Variants in SEMA6D observed in about 807,000 individuals in gnomAD.
SEMA6D encodes the protein semaphorin 6D, also known as semaphorin-6D.
SEMA6D carries 35 observed loss-of-function variants against 106.6 expected under a neutral mutation model. The ratio of observed to expected loss-of-function variants is 0.33; its 90% CI spans 0.25 to 0.44. SEMA6D has a LOEUF of 0.44. Ranked by LOEUF, SEMA6D falls within the 20% of genes least tolerant of loss-of-function variation. The pLI, the probability that SEMA6D is intolerant of heterozygous loss-of-function variation, is 1.00. For missense variants in SEMA6D, 1,185 were observed against 1,345.9 expected (o/e 0.88, Z 1.87); for synonymous variants, 499 against 487.7 (o/e 1.02, Z -0.31).
intron 1 of SEMA6D, among the ~76,000 whole-genome samples, chr15:47,248,455 G>A (rs1372057188): frequency 1.3e-5 from 2 of 152,112 alleles, no homozygotes; most frequent in Admixed American, 6.5e-5. Flanking sequence ...ACCCCAAAGT[G>A]CCCAGAAGGC....
chr15:47,680,134 AC>A (rs1340613005), intron 4 of SEMA6D, among the ~76,000 whole-genome samples: 5 of 152,208 alleles, frequency 3.3e-5, no homozygotes, highest in African/African-American at 1.2e-4. Context: ...GATTAGGGAA[AC>A]CAGTTTACTC....
At chr15:47,319,194 T>C (rs988110480) in intron 1 of SEMA6D, among the ~76,000 whole-genome samples, 7 of 152,240 alleles carry the variant, frequency 4.6e-5, no homozygotes, top group Middle Eastern at 3.2e-3. Context: ...CTTACATTGA[T>C]TGTAAGTTCT....
chr15:47,625,166 T>G (rs1449803203), intron 4 of SEMA6D, among the ~76,000 whole-genome samples: 4 of 152,096 alleles, frequency 2.6e-5, no homozygotes, highest in South Asian at 2.1e-4. Flanking sequence ...CCCAAAGATT[T>G]TTTGGGGGGA....
chr15:47,358,467 G>C (rs1041263002), intron 1 of SEMA6D, among the ~76,000 whole-genome samples: 1 of 152,190 alleles, frequency 6.6e-6, no homozygotes, highest in South Asian at 2.1e-4. Context: ...TCCTAATGAA[G>C]ATCCTCTTAA....
At chr15:47,642,631 G>T (rs542180723) in intron 4 of SEMA6D, among the ~76,000 whole-genome samples, 1 of 152,270 alleles carries the variant, frequency 6.6e-6, no homozygotes, top group South Asian at 2.1e-4. Context: ...AGAAGACCTG[G>T]AGTGGCCCAG....
chr15:47,561,305 A>G (rs1898115), intron 3 of SEMA6D, among the ~76,000 whole-genome samples: 150,834 of 152,182 alleles, frequency 0.99, 74,760 homozygotes, highest in Middle Eastern at 1. Context: ...ATAAACAATG[A>G]AGTTTAGAAA....
At position 47,771,240 on chromosome 15, in the gene SEMA6D, C is replaced by A. The variant is rs755742537; in HGVS notation, c.2677C>A (p.Pro893Thr). 1 of 1,613,902 alleles carries A rather than the reference C, an allele frequency of 6.2e-7. No individual in the cohort carries two copies. Among genetic ancestry groups the A allele is most frequent in the Non-Finnish European group, 8.5e-7 (1 of 1,179,986 alleles). ...LKHLNDPNSN[P>T]KAIMGDIQMA... is the part of the protein sequence containing the mutation. ...GCATCTGAATGACCCAAATAGTAAC[C>A]CCAAAGCCATCATGGGAGACATCCA... The change falls in exon 19 of 19, where the codon CCC becomes ACC. Residue 893 changes from proline (P) to threonine (T), a missense_variant. This residue lies in a region of SEMA6D where 750 missense variants were observed against 783.5 expected (regional missense o/e 0.96). Coordinates refer to ENST00000536845, the MANE Select transcript of SEMA6D (RefSeq NM_001358351.3).
chr15:47,472,508 C>T (rs149565445), intron 3 of SEMA6D, among the ~76,000 whole-genome samples: 2,370 of 152,260 alleles, frequency 0.016, 46 homozygotes, highest in African/African-American at 0.036. Flanking sequence ...AATGTGGATG[C>T]CTCCATGTAG....
At chr15:47,587,208 A>C (rs1381537372) in intron 3 of SEMA6D, among the ~76,000 whole-genome samples, 4 of 151,662 alleles carry the variant, frequency 2.6e-5, no homozygotes, top group Non-Finnish European at 2.9e-5. Flanking sequence ...GGGCCCTGCA[A>C]GGCCCCCTCT....
intron 4 of SEMA6D, among the ~76,000 whole-genome samples, chr15:47,677,732 T>C (rs1439839820): frequency 6.6e-6 from 1 of 152,216 alleles, no homozygotes; most frequent in Non-Finnish European, 1.5e-5. Context: ...TTTAAAAATT[T>C]AGTGTTTGGC....
intron 1 of SEMA6D, among the ~76,000 whole-genome samples, chr15:47,245,578 A>G (rs1214669072): frequency 6.6e-6 from 1 of 152,222 alleles, no homozygotes. Flanking sequence ...GATCTAGAGC[A>G]TCTGGATATC....
Position 47,531,792 on chromosome 15 carries a change from A to G in SEMA6D, c.-87+61247A>G, listed in dbSNP as rs140518642. On this transcript the variant is annotated intron_variant, in intron 3 of 19. Transcript: ENST00000558014. ...TCTTCCTGCAGTCTCCCCCATGCCT[A>G]TAATTATTTATTCACTTTCCTAATG... Among the ~76,000 whole-genome samples the G allele has an allele frequency of 9.8e-3, 1,491 of 152,276 alleles. 9 individuals carry two copies. Among genetic ancestry groups the G allele is most frequent in the Admixed American group, 0.021 (315 of 15,294 alleles).
At chr15:47,517,018 A>G (rs972633086) in intron 3 of SEMA6D, among the ~76,000 whole-genome samples, 1 of 152,152 alleles carries the variant, frequency 6.6e-6, no homozygotes, top group Admixed American at 6.5e-5. Flanking sequence ...GAGAAACATG[A>G]TTTTCAGGAG....
chr15:47,211,448 A>G (rs2030007668), intron 1 of SEMA6D, among the ~76,000 whole-genome samples: 1 of 152,188 alleles, frequency 6.6e-6, no homozygotes, highest in Admixed American at 6.5e-5. Flanking sequence ...GTCCATTGCT[A>G]ATACAAAGCA....
intron 1 of SEMA6D, among the ~76,000 whole-genome samples, chr15:47,719,281 G>T (rs935694558): frequency 1.5e-4 from 23 of 152,116 alleles, no homozygotes; most frequent in Admixed American, 6.5e-4. Context: ...AGCCCTCAGC[G>T]CCGTCAGCTG....
chr15:47,304,154 T>TA (rs1260896661), intron 1 of SEMA6D, among the ~76,000 whole-genome samples: 3 of 152,092 alleles, frequency 2.0e-5, no homozygotes, highest in Non-Finnish European at 4.4e-5. Context: ...GTAGCACCTC[T>TA]GGTAATTCTG....
intron 2 of SEMA6D, among the ~76,000 whole-genome samples, chr15:47,440,493 T>G (rs1297815940): frequency 4.6e-5 from 7 of 152,046 alleles, no homozygotes; most frequent in East Asian, 3.9e-4. Flanking sequence ...TAGTGGTGGT[T>G]GTTAGCTGGA....
chr15:47,295,389 C>T (rs1249545895), intron 1 of SEMA6D, among the ~76,000 whole-genome samples: 3 of 152,206 alleles, frequency 2.0e-5, no homozygotes, highest in African/African-American at 7.2e-5. Flanking sequence ...CACTCTCCTT[C>T]AACTCTTCTT....
chr15:47,605,472 A>T (rs2076759816), intron 4 of SEMA6D: 1 of 152,180 alleles, frequency 6.6e-6, no homozygotes, highest in Non-Finnish European at 1.5e-5. Context: ...TTCAATTCTG[A>T]TACCAATTCC....
Sources: allele counts gnomAD v4.1 joint callset (sites outside exome capture counted in the v4.1 genomes callset), GRCh38; gene constraint gnomAD v4.1.1; regional missense constraint gnomAD v4.1.1; transcripts MANE v1.5; gene names NCBI Gene and HGNC (gene_info 2026-07-23, HGNC 2026-07-21).